SLC5A9: variants seen among roughly 807,000 people sequenced by gnomAD.
SLC5A9 encodes the protein sodium/glucose cotransporter 4.
SLC5A9 carries 59 observed loss-of-function variants against 70.9 expected under a neutral mutation model. The observed-to-expected ratio is 0.83, with a 90% CI of 0.68 to 1.03. The LOEUF (loss-of-function observed/expected upper bound fraction) is 1.03, where lower values mean the gene tolerates loss of function less well. SLC5A9 is among the 50% of genes least tolerant of loss of function. SLC5A9 has a pLI of 0.00. For synonymous variants in SLC5A9, 340 were observed against 346.5 expected (o/e 0.98, Z 0.21); for missense variants, 832 against 881.1 (o/e 0.94, Z 0.71).
At chr1:48,229,007 G>A in intron 3 of SLC5A9, 53 bp downstream of exon 3, 1 of 1,613,324 alleles carries the variant, frequency 6.2e-7, no homozygotes, top group African/African-American at 1.3e-5. Flanking sequence ...ACCCACCTCT[G>A]TCTCTGGCAT....
chr1:48,232,485 G>A lies in SLC5A9; in HGVS notation c.1016G>A (p.Ser339Asn). 2 of 1,614,228 alleles carry A rather than the reference G, an allele frequency of 1.2e-6. No individual in the cohort carries two copies. The highest frequency in any genetic ancestry group is 4.5e-5 in the East Asian group (2 of 44,872). Residue 339 changes from serine to asparagine, a missense_variant, in exon 8 of 14, where the codon AGC (serine) becomes AAC (asparagine). Transcript: ENST00000438567. ...TTCATCGTCATGCCTGGCATGATCAGCCGGGCCCTGTTCCCAGGTAAGAAC... is the reference window on the plus strand; with the variant it reads ...TTCATCGTCATGCCTGGCATGATCAACCGGGCCCTGTTCCCAGGTAAGAAC... ...MFFIVMPGMI[S>N]RALFPDEVGC... is the part of the protein sequence containing the mutation.
chr1:48,235,623 C>A, intron 9 of SLC5A9, 106 bp from the exon 10 acceptor site: 1 of 1,372,734 alleles, frequency 7.3e-7, no homozygotes, highest in Non-Finnish European at 1.0e-6. Flanking sequence ...CTCTCTCATC[C>A]CCACCCCCAG....
chr1:48,247,423 G>A lies in SLC5A9; in HGVS notation c.1926G>A (p.Lys642=), dbSNP rs2148593724. ...AGCAGGCCCTGAGCCCAGCAGAGAA[G>A]GCTGCGCTAGAACAGAAGCTGACAA... ...TPEQALSPAE[K]AALEQKLTSI... The change falls in exon 14 of 14, where the codon AAG becomes AAA. Residue 642 remains lysine (K), a synonymous_variant. Transcript: ENST00000438567. The A allele has an allele frequency of 1.9e-6, 3 of 1,614,212 alleles. No individual in the cohort carries two copies. The highest frequency in any genetic ancestry group is 2.5e-6 in the Non-Finnish European group (3 of 1,180,046).
chr1:48,240,859 C>T (rs986301140), intron 12 of SLC5A9, among the ~76,000 whole-genome samples: 12 of 152,176 alleles, frequency 7.9e-5, no homozygotes, highest in African/African-American at 2.9e-4. Context: ...GACTGTTGTC[C>T]CCAACATTCT....
chr1:48,242,167 T>G, intron 12 of SLC5A9: 1 of 478,172 alleles, frequency 2.1e-6, no homozygotes, highest in Non-Finnish European at 3.9e-6. Flanking sequence ...TCCAGCCTCA[T>G]TTGCCTCAGT....
intron 13 of SLC5A9, among the ~76,000 whole-genome samples, chr1:48,244,320 A>C (rs1439943658): frequency 6.6e-6 from 1 of 152,172 alleles, no homozygotes; most frequent in Non-Finnish European, 1.5e-5. Context: ...ATGGCTGGCA[A>C]TGCCATGCCA....
intron 9 of SLC5A9, among the ~76,000 whole-genome samples, chr1:48,234,249 C>A (rs1644296868): frequency 6.6e-6 from 1 of 152,164 alleles, no homozygotes; most frequent in Non-Finnish European, 1.5e-5. Context: ...GAAGAGAGGG[C>A]AGGAAGTCTG....
At chr1:48,242,760 T>C (rs1374856310) in intron 13 of SLC5A9, 144 bp downstream of exon 13, 3 of 787,970 alleles carry the variant, frequency 3.8e-6, no homozygotes, top group Middle Eastern at 4.1e-4. Flanking sequence ...ACTGAACTAT[T>C]TGAAAAATAA....
chr1:48,228,744 C>A (rs1644200239), intron 2 of SLC5A9, 106 bp from the exon 3 acceptor site: 4 of 1,537,114 alleles, frequency 2.6e-6, no homozygotes, highest in African/African-American at 1.4e-5. Flanking sequence ...GCCTGGCATA[C>A]AGTGGGTACC....
chr1:48,230,534 A>C, intron 4 of SLC5A9, 66 bp from the exon 5 acceptor site: 2 of 1,041,152 alleles, frequency 1.9e-6, no homozygotes, highest in South Asian at 2.5e-5. Context: ...CAGGCAGGTG[A>C]TGTGTCCATA....
intron 8 of SLC5A9, among the ~76,000 whole-genome samples, chr1:48,233,190 G>A (rs779333034): frequency 2.0e-5 from 3 of 151,624 alleles, no homozygotes; most frequent in Admixed American, 6.6e-5. Context: ...GTAAAACCCC[G>A]TCTCTACTAA....
At chr1:48,240,897 G>T (rs1345799238) in intron 12 of SLC5A9, among the ~76,000 whole-genome samples, 1 of 152,166 alleles carries the variant, frequency 6.6e-6, no homozygotes, top group Non-Finnish European at 1.5e-5. Flanking sequence ...TGAAGTCACT[G>T]ATAACATCTT....
chr1:48,247,493 G>A lies in SLC5A9; in HGVS notation c.1996G>A (p.Ala666Thr), dbSNP rs2148593846. 1 of 1,614,172 alleles carries A rather than the reference G, an allele frequency of 6.2e-7. No homozygotes were observed. Among genetic ancestry groups the A allele is most frequent in the Non-Finnish European group, 8.5e-7 (1 of 1,180,040 alleles). Residue 666 changes from alanine (A) to threonine (T), a missense_variant, in exon 14 of 14, where the codon GCT (alanine) becomes ACT (threonine). Ala to Thr is a moderately conservative substitution (Grantham distance 58). Transcript: ENST00000438567. Reference sequence around the variant, plus strand: ...CTGGAGACATGTCTGCAACATCAATGCTGTCCTTTTGCTGGCCATCAACAT... The same window carrying A: ...CTGGAGACATGTCTGCAACATCAATACTGTCCTTTTGCTGGCCATCAACAT... ...PLWRHVCNIN[A>T]VLLLAINIFL...
Position 48,224,747 on chromosome 1 carries a change from G to A in SLC5A9, c.186G>A (p.Gly62=), listed in dbSNP as rs374460752. 54 of 1,614,132 alleles carry A rather than the reference G, an allele frequency of 3.3e-5. No homozygotes were observed. The African/African-American group carries it at 6.3e-4, about 19-fold the overall frequency. ...AGTCGTCCATCCGTGCAAGTCGAGG[G>A]ACCATTGGCGGCTATTTCCTGGCCG... ...GIWSSIRASR[G]TIGGYFLAGR... The change falls in exon 2 of 14, where the codon GGG becomes GGA. Residue 62 remains glycine, a synonymous_variant. Transcript: ENST00000438567.
At chr1:48,228,798 T>C (rs1644201040) in intron 2 of SLC5A9, 52 bp from the exon 3 acceptor site, 3 of 1,602,258 alleles carry the variant, frequency 1.9e-6, no homozygotes, top group South Asian at 1.1e-5. Context: ...TCGCTCCAGA[T>C]TCATTCAGAT....
chr1:48,232,096 C>T lies in SLC5A9; in HGVS notation c.842C>T (p.Pro281Leu), dbSNP rs748075804. The T allele has an allele frequency of 1.2e-6, 2 of 1,614,022 alleles. No homozygotes were observed. Among genetic ancestry groups the T allele is most frequent in the African/African-American group, 2.7e-5 (2 of 74,928 alleles). The change falls in exon 7 of 14, where the codon CCA becomes CTA. Residue 281 changes from proline (P) to leucine (L), a missense_variant. Physicochemically the swap from Pro to Leu is moderately conservative, Grantham distance 98 (BLOSUM62 -3). Coordinates refer to ENST00000438567, the MANE Select transcript of SLC5A9 (RefSeq NM_001011547.3). ...RDPVSGDIPW[P>L]GLIFGLTVLA... ...CCTGTGAGCGGGGACATCCCTTGGCCAGGTCTCATTTTCGGGCTCACAGTG... is the reference window on the plus strand; with the variant it reads ...CCTGTGAGCGGGGACATCCCTTGGCTAGGTCTCATTTTCGGGCTCACAGTG...
chr1:48,227,264 T>G (rs1280940098), intron 2 of SLC5A9, among the ~76,000 whole-genome samples: 1 of 116,894 alleles, frequency 8.6e-6, no homozygotes, highest in Admixed American at 1.0e-4. Flanking sequence ...TGAGTGCATG[T>G]GTGTCAGAGT....
chr1:48,227,638 T>C (rs1644183466), intron 2 of SLC5A9, among the ~76,000 whole-genome samples: 1 of 151,912 alleles, frequency 6.6e-6, no homozygotes, highest in South Asian at 2.1e-4. Flanking sequence ...AGTGTGTGTG[T>C]ACTGTGCCTG....
At chr1:48,232,176 C>A (rs753435266) in intron 7 of SLC5A9, 25 bp downstream of exon 7, 12 of 1,593,684 alleles carry the variant, frequency 7.5e-6, no homozygotes, top group African/African-American at 1.3e-5. Context: ...AGGCTTAGCC[C>A]AGCCTGCCAG....
Sources: allele counts gnomAD v4.1 joint callset (sites outside exome capture counted in the v4.1 genomes callset), GRCh38; gene constraint gnomAD v4.1.1; transcripts MANE v1.5; gene names NCBI Gene and HGNC (gene_info 2026-07-23, HGNC 2026-07-21).